PDZD8: variants seen among roughly 807,000 people sequenced by gnomAD.
PDZD8 encodes PDZ domain-containing protein 8.
PDZD8 carries 14 observed loss-of-function variants against 85.8 expected under a neutral mutation model. That is an observed-to-expected ratio of 0.16 (90% confidence interval 0.11 to 0.26). PDZD8 has a LOEUF of 0.26. PDZD8 is among the 10% of genes least tolerant of loss of function. The pLI, the probability that PDZD8 is intolerant of heterozygous loss-of-function variation, is 1.00. For synonymous variants in PDZD8, 592 were observed against 568.6 expected (o/e 1.04, Z -0.59); for missense variants, 1,197 against 1,424.3 (o/e 0.84, Z 2.57).
At chr10:117,362,415 G>A (rs373970177) in intron 1 of PDZD8, among the ~76,000 whole-genome samples, 1 of 151,982 alleles carries the variant, frequency 6.6e-6, no homozygotes, top group South Asian at 2.1e-4. Flanking sequence ...ACTTGTCCAA[G>A]GATATACTAA....
chr10:117,345,358 G>C (rs902270852), intron 1 of PDZD8, among the ~76,000 whole-genome samples: 8 of 152,148 alleles, frequency 5.3e-5, no homozygotes, highest in African/African-American at 7.2e-5. Context: ...CCTGGGGTGA[G>C]AGCAAATATC....
Position 117,305,471 on chromosome 10 carries a change from TACAC to T in PDZD8, c.1098+13397_1098+13400del, listed in dbSNP as rs57037106. Among the ~76,000 whole-genome samples, 1,291 of 141,840 alleles carry T rather than the reference TACAC, an allele frequency of 9.1e-3. 9 individuals carry two copies. Among genetic ancestry groups the T allele is most frequent in the East Asian group, 0.015 (72 of 4,740 alleles). 93.1% of individuals were successfully genotyped at this position (141,840 alleles called of 152,430 possible). On this transcript the variant is annotated intron_variant, in intron 3 of 4. Transcript: ENST00000334464. Reference sequence around the variant, plus strand: ...ACACACACACATATATACACACACATACACACACACACACACACACACACACACA... The same window carrying T: ...ACACACACACATATATACACACACATACACACACACACACACACACACACA...
intron 3 of PDZD8, among the ~76,000 whole-genome samples, chr10:117,313,425 A>C (rs1263843806): frequency 6.6e-6 from 1 of 152,202 alleles, no homozygotes; most frequent in African/African-American, 2.4e-5. Flanking sequence ...CCACTAGAAA[A>C]TCTAAAATTA....
rs764996538 is a variant in PDZD8, at chr10:117,284,886, A to G, written c.1847T>C (p.Val616Ala). The change falls in exon 5 of 5, where the codon GTT becomes GCT. Residue 616 changes from valine to alanine, a missense_variant. Transcript: ENST00000334464. ...APNQAEPDVL[V>A]EKPEKVVPPP... is the part of the protein sequence containing the mutation. ...TGGCACCACCTTCTCTGGCTTTTCA[A>G]CGAGAACATCTGGTTCTGCCTGATT... 1.2e-6 allele frequency: 2 copies of G among 1,614,142 alleles called. No homozygotes were observed. The highest frequency in any genetic ancestry group is 1.3e-5 in the African/African-American group (1 of 75,026).
rs112777604 is a variant in PDZD8, at chr10:117,361,621, G to A, written c.872+12735C>T. On this transcript the variant is annotated intron_variant, in intron 1 of 4. Transcript: ENST00000334464. ...AATCTGGTCTTCTTTAGCTAGTCAGGTGTTATCAAACAGACAAAAATTCCT... is the reference window on the plus strand; with the variant it reads ...AATCTGGTCTTCTTTAGCTAGTCAGATGTTATCAAACAGACAAAAATTCCT... 3.6e-3 allele frequency among the ~76,000 whole-genome samples: 550 copies of A among 152,218 alleles called. 3 individuals carry two copies. The highest frequency in any genetic ancestry group is 0.013 in the African/African-American group (520 of 41,556).
chr10:117,371,478 C>A (rs774873771), intron 1 of PDZD8, among the ~76,000 whole-genome samples: 7 of 152,204 alleles, frequency 4.6e-5, no homozygotes, highest in Non-Finnish European at 8.8e-5. Flanking sequence ...AACCACTGCA[C>A]CTGGCCCATC....
rs1320101209 is a variant in PDZD8, at chr10:117,375,392, G to A, written c.-165C>T. 3 of 373,536 alleles carry A rather than the reference G, an allele frequency of 8.0e-6. No homozygotes were observed. Among genetic ancestry groups the A allele is most frequent in the Non-Finnish European group, 1.4e-5 (3 of 220,820 alleles). 23.1% of individuals were successfully genotyped at this position (373,536 alleles called of 1,614,324 possible). A position where few individuals can be genotyped will look rare whatever the true frequency, so the allele number is the denominator to read the frequency against. ...CTCGGGCCGGCGCGCTGCGGCGCCC[G>A]AGCCCGCAGCGGCCCGCGCCTCCTC... is the stretch of plus-strand genomic sequence containing the variant. On this transcript the variant is annotated 5_prime_UTR_variant, in exon 1 of 5. Coordinates refer to ENST00000334464, the MANE Select transcript of PDZD8 (RefSeq NM_173791.5).
At chr10:117,365,054 G>C (rs922493311) in intron 1 of PDZD8, among the ~76,000 whole-genome samples, 27 of 152,038 alleles carry the variant, frequency 1.8e-4, no homozygotes, top group African/African-American at 6.3e-4. Flanking sequence ...GGTATATCAG[G>C]GGATGAAATC....
chr10:117,291,050 T>C (rs928483204), intron 3 of PDZD8, among the ~76,000 whole-genome samples: 2 of 151,326 alleles, frequency 1.3e-5, no homozygotes, highest in African/African-American at 2.4e-5. Context: ...TTGTATTTTT[T>C]TGTGTAGAGA....
At chr10:117,332,606 A>G (rs1844438161) in intron 2 of PDZD8, among the ~76,000 whole-genome samples, 1 of 146,424 alleles carries the variant, frequency 6.8e-6, no homozygotes, top group South Asian at 2.2e-4. Flanking sequence ...TCCTGGGTTC[A>G]GGTGATTATC....
chr10:117,355,606 A>G (rs1381871511), intron 1 of PDZD8, among the ~76,000 whole-genome samples: 1 of 151,914 alleles, frequency 6.6e-6, no homozygotes, highest in Non-Finnish European at 1.5e-5. Flanking sequence ...AAAATCTGAG[A>G]CTCGGTTTCC....
At chr10:117,298,740 AT>A (rs138798735) in intron 3 of PDZD8, among the ~76,000 whole-genome samples, 4,908 of 152,276 alleles carry the variant, frequency 0.032, 87 homozygotes, top group South Asian at 0.039. Flanking sequence ...AGGTTGATCG[AT>A]TCTAAAACTA....
At chr10:117,304,083 A>G (rs1360298430) in intron 3 of PDZD8, among the ~76,000 whole-genome samples, 1 of 152,206 alleles carries the variant, frequency 6.6e-6, no homozygotes, top group African/African-American at 2.4e-5. Flanking sequence ...ATAAGCCTGG[A>G]AAAGCCTCAG....
At chr10:117,308,114 C>T (rs1282660869) in intron 3 of PDZD8, among the ~76,000 whole-genome samples, 1 of 152,170 alleles carries the variant, frequency 6.6e-6, no homozygotes, top group Non-Finnish European at 1.5e-5. Context: ...TATTTCTTAT[C>T]TTAAATATTC....
intron 3 of PDZD8, among the ~76,000 whole-genome samples, chr10:117,303,580 A>G (rs1843884262): frequency 6.6e-6 from 1 of 152,246 alleles, no homozygotes; most frequent in Non-Finnish European, 1.5e-5. Flanking sequence ...GACCATGGGG[A>G]AAATGTCTCC....
intron 1 of PDZD8, among the ~76,000 whole-genome samples, chr10:117,365,731 T>C (rs1172915477): frequency 6.6e-6 from 1 of 152,214 alleles, no homozygotes; most frequent in African/African-American, 2.4e-5. Context: ...AACTACTCTG[T>C]AAAACACCTG....
chr10:117,346,194 T>C (rs959591004), intron 1 of PDZD8, among the ~76,000 whole-genome samples: 6 of 146,904 alleles, frequency 4.1e-5, no homozygotes, highest in East Asian at 2.0e-4. Context: ...TGAGCCGAGA[T>C]TGCACTCCAG....
At chr10:117,329,480 T>G (rs1000552477) in intron 2 of PDZD8, among the ~76,000 whole-genome samples, 1 of 152,134 alleles carries the variant, frequency 6.6e-6, no homozygotes, top group African/African-American at 2.4e-5. Flanking sequence ...AAAATTTTTT[T>G]GTGAAAAATC....
chr10:117,346,643 G>T (rs1346932852), intron 1 of PDZD8, among the ~76,000 whole-genome samples: 1 of 152,020 alleles, frequency 6.6e-6, no homozygotes, highest in Non-Finnish European at 1.5e-5. Flanking sequence ...CAAACTAGGA[G>T]CTTTTATATG....
Sources: gnomAD v4.1 joint callset for allele counts (sites outside exome capture counted in the v4.1 genomes callset) on GRCh38, gnomAD v4.1.1 for gene constraint, MANE v1.5 for transcripts, NCBI Gene and HGNC (gene_info 2026-07-23, HGNC 2026-07-21) for gene names.